PDE8B: variants seen among roughly 807,000 people sequenced by gnomAD.
PDE8B encodes phosphodiesterase 8B.
Under a neutral mutation model 101.3 loss-of-function variants are expected in PDE8B, and 26 were observed. The ratio of observed to expected loss-of-function variants is 0.26; its 90% CI spans 0.19 to 0.36. The LOEUF is 0.36. Among genes scored for constraint, PDE8B ranks in the 10% least tolerant of loss-of-function variants. PDE8B has a pLI of 1.00. For missense variants in PDE8B, 810 were observed against 1,163.1 expected (o/e 0.70, Z 4.42); for synonymous variants, 424 against 429.3 (o/e 0.99, Z 0.15).
At chr5:77,419,424 G>A (rs781228676) in intron 18 of PDE8B, among the ~76,000 whole-genome samples, 9 of 152,216 alleles carry the variant, frequency 5.9e-5, no homozygotes, top group Admixed American at 1.3e-4. Context: ...TGTGGCTGCC[G>A]TGCCAGCCTG....
At chr5:77,355,840 G>T (rs1460625020) in intron 10 of PDE8B, among the ~76,000 whole-genome samples, 2 of 152,220 alleles carry the variant, frequency 1.3e-5, no homozygotes, top group Non-Finnish European at 2.9e-5. Context: ...CAGGACCTAA[G>T]GAGGCTGTCT....
chr5:77,238,683 T>G (rs761961927), intron 1 of PDE8B, among the ~76,000 whole-genome samples: 1 of 152,204 alleles, frequency 6.6e-6, no homozygotes, highest in Non-Finnish European at 1.5e-5. Flanking sequence ...TCTCATGATC[T>G]GACATCTGCA....
intron 1 of PDE8B, among the ~76,000 whole-genome samples, chr5:77,292,233 C>T (rs1046086710): frequency 6.6e-6 from 1 of 152,172 alleles, no homozygotes; most frequent in Non-Finnish European, 1.5e-5. Flanking sequence ...TGATCACTTA[C>T]TGGTTCTCTG....
At chr5:77,391,323 C>T (rs773658093) in intron 10 of PDE8B, among the ~76,000 whole-genome samples, 8 of 152,150 alleles carry the variant, frequency 5.3e-5, no homozygotes, top group Non-Finnish European at 1.2e-4. Context: ...GCACTGCTCT[C>T]GGCACAGAGC....
the PDE8B span, among the ~76,000 whole-genome samples, chr5:77,199,446 C>CTT: frequency 6.6e-6 from 1 of 152,166 alleles, no homozygotes; most frequent in African/African-American, 2.4e-5. Context: ...TAACATGTCA[C>CTT]TTTCACTTTA....
the PDE8B span, among the ~76,000 whole-genome samples, chr5:77,164,363 G>A: frequency 6.6e-6 from 1 of 152,182 alleles, no homozygotes; most frequent in Non-Finnish European, 1.5e-5. Context: ...GATAATAAAT[G>A]TGATGGGGTT....
At chr5:77,196,109 A>G in the PDE8B span, among the ~76,000 whole-genome samples, 1 of 151,950 alleles carries the variant, frequency 6.6e-6, no homozygotes, top group African/African-American at 2.4e-5. Context: ...CTCTTTTTGA[A>G]TTGGATTGTT....
intron 1 of PDE8B, among the ~76,000 whole-genome samples, chr5:77,296,527 C>T (rs891924519): frequency 2.0e-5 from 3 of 152,108 alleles, no homozygotes; most frequent in African/African-American, 4.8e-5. Flanking sequence ...TGTGAGCCAC[C>T]GCTCCCAGCC....
intron 1 of PDE8B, among the ~76,000 whole-genome samples, chr5:77,246,013 G>T (rs1756862793): frequency 6.6e-6 from 1 of 151,800 alleles, no homozygotes; most frequent in African/African-American, 2.4e-5. Context: ...ACCACGCCCA[G>T]CTAACTTTTT....
At chr5:77,116,224 A>ATTTTTTT in the PDE8B span, among the ~76,000 whole-genome samples, 3 of 59,608 alleles carry the variant, frequency 5.0e-5, no homozygotes, top group Admixed American at 2.2e-4. Flanking sequence ...ATATATATAT[A>ATTTTTTT]TTTTTTTTTT....
chr5:77,227,283 T>C (rs945115202), intron 1 of PDE8B, among the ~76,000 whole-genome samples: 4 of 152,230 alleles, frequency 2.6e-5, no homozygotes, highest in Admixed American at 2.0e-4. Context: ...TTCAATATAA[T>C]TTTTAAACTG....
intron 1 of PDE8B, among the ~76,000 whole-genome samples, chr5:77,304,666 T>C (rs1397773914): frequency 6.6e-6 from 1 of 152,208 alleles, no homozygotes. Flanking sequence ...TAGTAGGGCA[T>C]AAAACATAAA....
At chr5:77,170,886 A>G in the PDE8B span, among the ~76,000 whole-genome samples, 12 of 152,352 alleles carry the variant, frequency 7.9e-5, no homozygotes, top group South Asian at 1.2e-3. Flanking sequence ...CAGTCAACAA[A>G]CATTTAGTTA....
intron 1 of PDE8B, among the ~76,000 whole-genome samples, chr5:77,239,387 T>C (rs1755292639): frequency 6.6e-6 from 1 of 152,228 alleles, no homozygotes; most frequent in East Asian, 1.9e-4. Context: ...TTCTCTGTAA[T>C]GTGCTTTTTA....
intron 17 of PDE8B, among the ~76,000 whole-genome samples, chr5:77,414,587 A>ATTTTTTTTT (rs35794220): frequency 7.2e-6 from 1 of 139,458 alleles, no homozygotes; most frequent in African/African-American, 2.6e-5. Flanking sequence ...TGCCCAGCCG[A>ATTTTTTTTT]TTTTTTTTTT....
At chr5:77,290,150 G>T in intron 1 of PDE8B, 1 of 1,319,172 alleles carries the variant, frequency 7.6e-7, no homozygotes, top group South Asian at 1.3e-5. Context: ...TGTGGAAAAT[G>T]AATTCCAATC....
intron 16 of PDE8B, 48 bp from the exon 17 acceptor site, chr5:77,413,063 C>A: frequency 6.7e-7 from 1 of 1,487,148 alleles, no homozygotes; most frequent in Non-Finnish European, 9.4e-7. Context: ...AAAACAGTTT[C>A]TGGGCCAGTG....
the PDE8B span, among the ~76,000 whole-genome samples, chr5:77,104,214 A>G: frequency 6.6e-6 from 1 of 152,292 alleles, no homozygotes; most frequent in East Asian, 1.9e-4. Context: ...TCTTCCACAC[A>G]GTAAGGAACC....
chr5:77,264,833 G>A (rs1761355280), intron 1 of PDE8B, among the ~76,000 whole-genome samples: 1 of 152,002 alleles, frequency 6.6e-6, no homozygotes, highest in Non-Finnish European at 1.5e-5. Context: ...TTGTTCAATA[G>A]GTAAAATAAC....
Sources: gnomAD v4.1 joint callset for allele counts (sites outside exome capture counted in the v4.1 genomes callset) on GRCh38, gnomAD v4.1.1 for gene constraint, MANE v1.5 for transcripts, NCBI Gene and HGNC (gene_info 2026-07-23, HGNC 2026-07-21) for gene names.